The following IRF6 variants were observed in gnomAD, a reference collection of about 807,000 sequenced individuals.
The protein encoded by IRF6 is Van der Woude syndrome.
IRF6 carries 6 observed loss-of-function variants against 51.4 expected under a neutral mutation model. The observed-to-expected ratio is 0.12, with a 90% CI of 0.06 to 0.23. IRF6 has a LOEUF of 0.23. IRF6 is among the 10% of genes least tolerant of loss of function. The probability of loss-of-function intolerance (pLI) is 1.00; values close to 1 mark genes in which losing one functional copy is unlikely to be tolerated. For synonymous variants in IRF6, 178 were observed against 215.7 expected (o/e 0.83, Z 1.53); for missense variants, 348 against 585.2 (o/e 0.59, Z 4.18).
Position 209,788,459 on chromosome 1 carries a change from G to A in IRF6, c.1365C>T (p.Thr455=). The A allele has an allele frequency of 1.9e-6, 3 of 1,613,940 alleles. No homozygotes were observed. In the South Asian group the frequency reaches 3.3e-5, roughly 18 times the overall value. The change falls in exon 9 of 9, where the codon ACC becomes ACT. Residue 455 remains threonine, a synonymous_variant. Coordinates refer to ENST00000367021, the MANE Select transcript of IRF6 (RefSeq NM_006147.4). ...TQESWQPMQP[T]PSMQLPPALP... ...GGGCAGGGGGCAGTTGCATGCTGGG[G>A]GTGGGCTGCATGGGCTGCCAGCTCT... is the stretch of plus-strand genomic sequence containing the variant.
chr1:209,802,268 C>G (rs1275811082), intron 1 of IRF6: 1 of 152,244 alleles, frequency 6.6e-6, no homozygotes, highest in African/African-American at 2.4e-5. Context: ...AGCCTCCTCC[C>G]TTGGGTCTGT....
At chr1:209,800,095 A>C (rs1051288996) in intron 3 of IRF6, among the ~76,000 whole-genome samples, 11 of 152,182 alleles carry the variant, frequency 7.2e-5, no homozygotes, top group African/African-American at 2.7e-4. Context: ...CTTATACTCA[A>C]AGAAGAAAAG....
intron 1 of IRF6, among the ~76,000 whole-genome samples, chr1:209,804,322 T>C (rs1406993503): frequency 6.6e-6 from 1 of 152,178 alleles, no homozygotes; most frequent in Non-Finnish European, 1.5e-5. Flanking sequence ...TAAGTCACAG[T>C]GTTCTGTACC....
rs35878470 is a variant in IRF6, at chr1:209,801,183, C to CA, written c.174+56dup. The CA allele has an allele frequency of 0.2, 200,560 of 1,022,610 alleles. 7,833 individuals carry two copies. Among genetic ancestry groups the CA allele is most frequent in the African/African-American group, 0.35 (16,721 of 47,750 alleles). The allele number at this position is 1,022,610 out of a possible 1,614,324, so 63.3% of individuals were successfully genotyped here. ...TTTAGATCTAGTGTATTCCCCATGCCAAAAAAAAAAAAAAAAAAAAATCCA... is the reference window on the plus strand; with the variant it reads ...TTTAGATCTAGTGTATTCCCCATGCCAAAAAAAAAAAAAAAAAAAAAATCCA... On this transcript the variant is annotated intron_variant, in intron 3 of 8. Coordinates refer to ENST00000367021, the MANE Select transcript of IRF6 (RefSeq NM_006147.4).
rs1033632624 is a variant in IRF6, at chr1:209,790,193, C to T, written c.1060+302G>A. ...CAGGATTACCTTCCAAAGTTAAAGA[C>T]ACGCTGGTAACATTTGAGGTGTAAT... On this transcript the variant is annotated intron_variant, in intron 7 of 8. Transcript: ENST00000367021. This position sits in a 1 kb window ranked among gnomAD's most constrained non-coding sequence, Gnocchi z 4.8. Among the ~76,000 whole-genome samples the T allele has an allele frequency of 1.1e-4, 17 of 152,196 alleles. No homozygotes were observed. The highest frequency in any genetic ancestry group is 4.1e-4 in the African/African-American group (17 of 41,452).
chr1:209,805,204 G>C (rs2077966455), intron 1 of IRF6, among the ~76,000 whole-genome samples: 1 of 151,852 alleles, frequency 6.6e-6, no homozygotes, highest in South Asian at 2.1e-4. Context: ...TTCCACTCTT[G>C]ACATCCACCA....
At chr1:209,794,009 T>C (rs1321776746) in intron 5 of IRF6, among the ~76,000 whole-genome samples, 1 of 152,242 alleles carries the variant, frequency 6.6e-6, no homozygotes, top group African/African-American at 2.4e-5. Flanking sequence ...TCTTTGCTAT[T>C]GTGAATAAGT....
intron 8 of IRF6, 66 bp from the exon 9 acceptor site, chr1:209,788,710 C>T: frequency 7.6e-7 from 1 of 1,314,338 alleles, no homozygotes; most frequent in Admixed American, 1.8e-5. Context: ...GCACAATGGA[C>T]CCAAGATTGA....
At chr1:209,801,563 G>T in intron 2 of IRF6, 147 bp from the exon 3 acceptor site, 1 of 669,238 alleles carries the variant, frequency 1.5e-6, no homozygotes, top group Non-Finnish European at 2.4e-6. Context: ...GCTGTGCCAG[G>T]TGGGAAAGAA....
chr1:209,792,124 G>T, intron 6 of IRF6, 145 bp downstream of exon 6: 1 of 877,274 alleles, frequency 1.1e-6, no homozygotes, highest in Non-Finnish European at 1.8e-6. Context: ...GTGACTCATG[G>T]GCTAGCCAGG....
At chr1:209,791,285 G>A (rs1283819877) in intron 6 of IRF6, among the ~76,000 whole-genome samples, 2 of 152,190 alleles carry the variant, frequency 1.3e-5, no homozygotes, top group East Asian at 1.9e-4. Flanking sequence ...ACTTGAGGAA[G>A]AAGAAGCAAT....
At chr1:209,804,869 C>A (rs2077964409) in intron 1 of IRF6, among the ~76,000 whole-genome samples, 2 of 152,192 alleles carry the variant, frequency 1.3e-5, no homozygotes, top group Non-Finnish European at 2.9e-5. Flanking sequence ...AAAACACACG[C>A]CATTTCTCGC....
intron 5 of IRF6, among the ~76,000 whole-genome samples, chr1:209,794,584 A>T (rs1370779339): frequency 6.6e-6 from 1 of 152,240 alleles, no homozygotes; most frequent in Non-Finnish European, 1.5e-5. Flanking sequence ...AGACAATGAA[A>T]AACTGCTTGG....
In IRF6 at chr1:209,801,280, C is replaced by G; in HGVS notation, c.134G>C (p.Arg45Pro). 6.2e-7 allele frequency: 1 copy of G among 1,613,812 alleles called. No homozygotes were observed. The highest frequency in any genetic ancestry group is 8.5e-7 in the Non-Finnish European group (1 of 1,180,006). ...RFQIPWKHATRHSPQQEEENT... is the reference protein window; with the variant it reads ...RFQIPWKHATPHSPQQEEENT... ...TTCCTCTTCTTGTTGAGGGCTATGC[C>G]GGGTGGCATGTTTCCAGGGAATCTG... is the stretch of plus-strand genomic sequence containing the variant. The change falls in exon 3 of 9, where the codon CGG becomes CCG. Residue 45 changes from arginine (R) to proline (P), a missense_variant. Around this residue, in one of 5 missense-constraint regions of IRF6, gnomAD observed 48 missense variants for 128.1 expected, o/e 0.37. Transcript: ENST00000367021.
rs2077865534 is a variant in IRF6, at chr1:209,790,940, A to G, written c.668-53T>C. 23 of 1,610,578 alleles carry G rather than the reference A, an allele frequency of 1.4e-5. No homozygotes were observed. Among genetic ancestry groups the G allele is most frequent in the Non-Finnish European group, 1.9e-5 (22 of 1,180,022 alleles). On this transcript the variant is annotated intron_variant, in intron 6 of 8. Coordinates refer to ENST00000367021, the MANE Select transcript of IRF6 (RefSeq NM_006147.4). The surrounding 1 kb of genome is among the most constrained non-coding windows in gnomAD (Gnocchi z 4.8). Reference sequence around the variant, plus strand: ...TCCTGCTTCACTGCTCTGCCTGTTCATCCCTGTGACTCATGCAAGTCCATT... The same window carrying G: ...TCCTGCTTCACTGCTCTGCCTGTTCGTCCCTGTGACTCATGCAAGTCCATT...
intron 5 of IRF6, among the ~76,000 whole-genome samples, chr1:209,792,959 G>GA (rs1255508880): frequency 1.3e-5 from 2 of 151,942 alleles, no homozygotes; most frequent in African/African-American, 2.4e-5. Context: ...AGGATAGAAG[G>GA]AAAACCTTTC....
rs1451969417 is a variant in IRF6, at chr1:209,792,282, G to A, written c.654C>T (p.Ile218=). The change falls in exon 6 of 9, where the codon ATC becomes ATT. Residue 218 remains isoleucine (I), a synonymous_variant. Transcript: ENST00000367021. ...AGTCTCACTTACTTGGGAGAGAGCTGATCCACAGTTCTGGAGAGCTATAGA... is the reference window on the plus strand; with the variant it reads ...AGTCTCACTTACTTGGGAGAGAGCTAATCCACAGTTCTGGAGAGCTATAGA... The part of the protein sequence containing the change: ...QPFYSSPELW[I]SSLPMTDLDI... 1 of 1,614,016 alleles carries A rather than the reference G, an allele frequency of 6.2e-7. No individual in the cohort carries two copies. The highest frequency in any genetic ancestry group is 8.5e-7 in the Non-Finnish European group (1 of 1,179,932).
At chr1:209,795,042 T>C (rs1276237858) in intron 5 of IRF6, among the ~76,000 whole-genome samples, 3 of 152,244 alleles carry the variant, frequency 2.0e-5, no homozygotes, top group African/African-American at 4.8e-5. Context: ...TCAAATTTTT[T>C]ATTTCTTTGA....
At chr1:209,792,244 G>C (rs761051343) in intron 6 of IRF6, 25 bp downstream of exon 6, 1 of 1,606,590 alleles carries the variant, frequency 6.2e-7, no homozygotes, top group Non-Finnish European at 8.5e-7. Context: ...AGAAGACCGA[G>C]CAAGAAAGAT....
Sources: gnomAD v4.1 joint callset for allele counts (sites outside exome capture counted in the v4.1 genomes callset) on GRCh38, gnomAD v4.1.1 for gene constraint, gnomAD v4.1.1 regional missense constraint, Gnocchi (gnomAD v3.1) non-coding constraint, MANE v1.5 for transcripts, NCBI Gene and HGNC (gene_info 2026-07-23, HGNC 2026-07-21) for gene names.